Variants in GABRB1 observed in about 807,000 individuals in gnomAD.
GABRB1 encodes the protein gamma-aminobutyric acid type A receptor subunit beta1, also known as gamma-aminobutyric acid receptor subunit beta-1.
In GABRB1, 17 loss-of-function variants were observed where a neutral mutation model predicts 51.6. The observed-to-expected ratio is 0.33, with a 90% confidence interval of 0.23 to 0.49. GABRB1 has a LOEUF of 0.49. Ranked by LOEUF, GABRB1 falls within the 20% of genes least tolerant of loss-of-function variation. The pLI is 0.99. For missense variants in GABRB1, 410 were observed against 600.6 expected, an observed-to-expected ratio of 0.68 and a Z score of 3.32; for synonymous variants, 247 against 218.9, an observed-to-expected ratio of 1.13 and a Z score of -1.14.
intron 3 of GABRB1, among the ~76,000 whole-genome samples, chr4:47,108,432 G>A (rs1715066555): frequency 6.6e-6 from 1 of 151,994 alleles, no homozygotes; most frequent in African/African-American, 2.4e-5. Context: ...TCTTTTAAGA[G>A]TCACCTTGAT....
intron 4 of GABRB1, among the ~76,000 whole-genome samples, chr4:47,307,560 T>C (rs1724515277): frequency 2.0e-5 from 3 of 152,026 alleles, no homozygotes; most frequent in African/African-American, 7.2e-5. Flanking sequence ...CTATAACTTA[T>C]ACCTCCTTCC....
chr4:47,353,886 G>T, intron 5 of GABRB1, among the ~76,000 whole-genome samples: 1 of 151,802 alleles, frequency 6.6e-6, no homozygotes, highest in Non-Finnish European at 1.5e-5. Flanking sequence ...TCAGGTTTAT[G>T]CATTATACTA....
At chr4:47,085,401 A>G (rs1371767544) in intron 3 of GABRB1, among the ~76,000 whole-genome samples, 1 of 152,232 alleles carries the variant, frequency 6.6e-6, no homozygotes, top group Non-Finnish European at 1.5e-5. Context: ...AACAAGTGGA[A>G]ACAAGATTTG....
chr4:47,340,647 C>G (rs1467103836), intron 5 of GABRB1, among the ~76,000 whole-genome samples: 1 of 152,042 alleles, frequency 6.6e-6, no homozygotes, highest in African/African-American at 2.4e-5. Context: ...GAAGAGCCCT[C>G]ATGATTTAAT....
intron 3 of GABRB1, among the ~76,000 whole-genome samples, chr4:47,055,026 T>C (rs747728004): frequency 6.6e-6 from 1 of 152,222 alleles, no homozygotes; most frequent in Non-Finnish European, 1.5e-5. Flanking sequence ...ACCTGAACTG[T>C]TACATTGGCT....
chr4:47,311,114 G>A (rs1411411879), intron 4 of GABRB1, among the ~76,000 whole-genome samples: 8 of 149,416 alleles, frequency 5.4e-5, no homozygotes, highest in African/African-American at 9.9e-5. Flanking sequence ...AAGTCCGCTG[G>A]AGGACGCGGT....
chr4:47,171,304 A>C (rs1046158817), intron 4 of GABRB1, among the ~76,000 whole-genome samples: 7 of 152,086 alleles, frequency 4.6e-5, no homozygotes, highest in Non-Finnish European at 1.0e-4. Flanking sequence ...TAAAGAATGT[A>C]AGAAAAAAAG....
chr4:47,382,600 C>T (rs1353892993), intron 5 of GABRB1, among the ~76,000 whole-genome samples: 1 of 152,144 alleles, frequency 6.6e-6, no homozygotes, highest in African/African-American at 2.4e-5. Flanking sequence ...ATTCAGCCTT[C>T]CCAATCAGGT....
intron 4 of GABRB1, among the ~76,000 whole-genome samples, chr4:47,203,456 T>C (rs1418612027): frequency 6.6e-6 from 1 of 151,994 alleles, no homozygotes; most frequent in African/African-American, 2.4e-5. Flanking sequence ...ACCCCAAAAT[T>C]CACTTCTTTG....
intron 3 of GABRB1, among the ~76,000 whole-genome samples, chr4:47,088,557 A>G (rs1728170451): frequency 6.6e-6 from 1 of 152,218 alleles, no homozygotes; most frequent in Non-Finnish European, 1.5e-5. Context: ...ATGAGTCTGG[A>G]GAAGCATGAA....
At position 47,092,786 on chromosome 4, in the gene GABRB1, G is replaced by A. The variant is rs187262042; in HGVS notation, c.240+60302G>A. On this transcript the variant is annotated intron_variant, in intron 3 of 8. Transcript: ENST00000295454. ...GCCACCACACCTGGCTAATTTTTTT[G>A]TGTTTTTTAGTAGAGATGTGGTTTC... Among the ~76,000 whole-genome samples, 496 of 151,740 alleles carry A rather than the reference G, an allele frequency of 3.3e-3. 2 individuals carry two copies. The highest frequency in any genetic ancestry group is 5.0e-3 in the Non-Finnish European group (336 of 67,866).
intron 4 of GABRB1, among the ~76,000 whole-genome samples, chr4:47,303,565 T>C (rs1159208547): frequency 6.6e-6 from 1 of 151,992 alleles, no homozygotes; most frequent in Non-Finnish European, 1.5e-5. Flanking sequence ...TTTTTTACTC[T>C]GTCTTGAAAG....
At chr4:47,113,254 C>T (rs1447439677) in intron 3 of GABRB1, among the ~76,000 whole-genome samples, 1 of 151,902 alleles carries the variant, frequency 6.6e-6, no homozygotes, top group Non-Finnish European at 1.5e-5. Context: ...GGTGTGGTGT[C>T]GTGCACCTGT....
intron 5 of GABRB1, among the ~76,000 whole-genome samples, chr4:47,347,006 C>T (rs1403006428): frequency 6.6e-6 from 1 of 152,018 alleles, no homozygotes; most frequent in African/African-American, 2.4e-5. Flanking sequence ...TATGGCAGGG[C>T]GCCGGTGACT....
intron 4 of GABRB1, among the ~76,000 whole-genome samples, chr4:47,189,663 C>T (rs115579477): frequency 1.3e-3 from 198 of 151,958 alleles, no homozygotes; most frequent in Middle Eastern, 6.8e-3. Flanking sequence ...CATTCCTAAA[C>T]AGAGGTTTTG....
At chr4:47,239,062 A>G (rs1194086942) in intron 4 of GABRB1, among the ~76,000 whole-genome samples, 1 of 152,078 alleles carries the variant, frequency 6.6e-6, no homozygotes, top group African/African-American at 2.4e-5. Context: ...TTTATGATGT[A>G]TTTTTTTAAC....
At chr4:47,047,775 T>C (rs1726161746) in intron 3 of GABRB1, among the ~76,000 whole-genome samples, 1 of 152,146 alleles carries the variant, frequency 6.6e-6, no homozygotes, top group South Asian at 2.1e-4. Flanking sequence ...TCATATTGGA[T>C]CTACTGTATG....
intron 4 of GABRB1, among the ~76,000 whole-genome samples, chr4:47,261,755 A>C (rs1722446544): frequency 6.6e-6 from 1 of 152,204 alleles, no homozygotes; most frequent in Non-Finnish European, 1.5e-5. Context: ...AGACAAAAGA[A>C]CAAAGCTGGA....
rs188648429 is a variant in GABRB1, at chr4:47,218,880, T to C, written c.461+57411T>C. ...AGCCAAGTATTCCTGAAATAATATGTGGTTTCTACATCTAAGAATACATAG... is the reference window on the plus strand; with the variant it reads ...AGCCAAGTATTCCTGAAATAATATGCGGTTTCTACATCTAAGAATACATAG... On this transcript the variant is annotated intron_variant, in intron 4 of 8. Transcript: ENST00000295454. Among the ~76,000 whole-genome samples the C allele has an allele frequency of 4.6e-3, 699 of 151,984 alleles. 7 individuals carry two copies. Among genetic ancestry groups the C allele is most frequent in the Non-Finnish European group, 6.3e-3 (424 of 67,832 alleles).
Sources: gnomAD v4.1 joint callset for allele counts (sites outside exome capture counted in the v4.1 genomes callset) on GRCh38, gnomAD v4.1.1 for gene constraint, MANE v1.5 for transcripts, NCBI Gene and HGNC (gene_info 2026-07-23, HGNC 2026-07-21) for gene names.